ZNF211: variants seen among roughly 807,000 people sequenced by gnomAD.
ZNF211 encodes the protein zinc finger protein 211.
In ZNF211, 18 loss-of-function variants were observed where a neutral mutation model predicts 12.1. The observed-to-expected ratio is 1.48, with a 90% CI of 1.03 to 2.20. The LOEUF (loss-of-function observed/expected upper bound fraction) is 2.20, where lower values mean the gene tolerates loss of function less well. Ranked by LOEUF, ZNF211 falls within the 30% of genes most tolerant of loss-of-function variation. The pLI, the probability that ZNF211 is intolerant of heterozygous loss-of-function variation, is 0.00. For synonymous variants in ZNF211, 249 were observed against 246.0 expected, an observed-to-expected ratio of 1.01 and a Z score of -0.11; for missense variants, 677 against 703.1, an observed-to-expected ratio of 0.96 and a Z score of 0.42.
Position 57,642,001 on chromosome 19 carries a change from A to C in ZNF211, c.1554A>C (p.Gly518=). The C allele has an allele frequency of 1.2e-6, 2 of 1,614,212 alleles. No homozygotes were observed. Among genetic ancestry groups the C allele is most frequent in the Non-Finnish European group, 1.7e-6 (2 of 1,180,036 alleles). The change falls in exon 4 of 4, where the codon GGA becomes GGC. Residue 518 remains glycine, a synonymous_variant. Coordinates refer to ENST00000240731, the MANE Select transcript of ZNF211 (RefSeq NM_006385.5). ...NLIKHLRVHT[G]ERPYECSECG... Reference sequence around the variant, plus strand: ...TTAAACACCTGAGAGTTCACACTGGAGAAAGGCCTTATGAGTGCAGTGAAT... The same window carrying C: ...TTAAACACCTGAGAGTTCACACTGGCGAAAGGCCTTATGAGTGCAGTGAAT...
In ZNF211 at chr19:57,642,473, T is replaced by A; in HGVS notation, c.*292T>A. Reference sequence around the variant, plus strand: ...CACACAGTGTGTATCATTTACCTCCTGAACCTGCTCAAGGAAGCAGACCTC... The same window carrying A: ...CACACAGTGTGTATCATTTACCTCCAGAACCTGCTCAAGGAAGCAGACCTC... On this transcript the variant is annotated 3_prime_UTR_variant, in exon 4 of 4. Transcript: ENST00000240731. 3.2e-6 allele frequency: 1 copy of A among 309,448 alleles called. No homozygotes were observed. Among genetic ancestry groups the A allele is most frequent in the East Asian group, 5.2e-5 (1 of 19,322 alleles). 19.2% of individuals were successfully genotyped at this position (309,448 alleles called of 1,614,324 possible).
chr19:57,641,382 G>GT lies in ZNF211; in HGVS notation c.938dup (p.Ile314HisfsTer17). 1 of 1,614,152 alleles carries GT rather than the reference G, an allele frequency of 6.2e-7. No individual in the cohort carries two copies. Among genetic ancestry groups the GT allele is most frequent in the Non-Finnish European group, 8.5e-7 (1 of 1,180,008 alleles). ...GGAAAATTCTTTACCTACTACTCCA[G>GT]TTTCATTATACATCAGAGAGTTCAT... On this transcript the variant is annotated frameshift_variant, in exon 4 of 4. Coordinates refer to ENST00000240731, the MANE Select transcript of ZNF211 (RefSeq NM_006385.5). LOFTEE classifies it low-confidence loss of function (END_TRUNC).
Position 57,633,341 on chromosome 19 carries a change from A to T in ZNF211, c.-6A>T. On this transcript the variant is annotated 5_prime_UTR_variant, in exon 1 of 4. Coordinates refer to ENST00000240731, the MANE Select transcript of ZNF211 (RefSeq NM_006385.5). ...AGCCGCCCGCGAGGCCGGCCTGGGG[A>T]TAGCGATGCTCGGGTTCCCCCCGGG... 1 of 1,583,006 alleles carries T rather than the reference A, an allele frequency of 6.3e-7. No homozygotes were observed. The highest frequency in any genetic ancestry group is 8.6e-7 in the Non-Finnish European group (1 of 1,168,218).
At chr19:57,633,608 G>C in intron 1 of ZNF211, 172 bp downstream of exon 1, 1 of 1,529,904 alleles carries the variant, frequency 6.5e-7, no homozygotes, top group South Asian at 1.2e-5. Flanking sequence ...GGACCGGCGC[G>C]TGCAGGGCTT....
In ZNF211 at chr19:57,642,128, T is replaced by C. The variant is rs1227526062; in HGVS notation, c.1681T>C (p.Cys561Arg). ...QCSQCGKSFG[C>R]KSVLIQHQRV... is the part of the protein sequence containing the mutation. Reference sequence around the variant, plus strand: ...CAGTCAATGTGGGAAATCCTTTGGCTGCAAATCTGTCCTCATTCAACACCA... The same window carrying C: ...CAGTCAATGTGGGAAATCCTTTGGCCGCAAATCTGTCCTCATTCAACACCA... Residue 561 changes from cysteine to arginine, a missense_variant, in exon 4 of 4, where the codon TGC becomes CGC. Physicochemically the swap from Cys to Arg is radical, Grantham distance 180. Transcript: ENST00000240731. The C allele has an allele frequency of 6.2e-7, 1 of 1,613,762 alleles. No homozygotes were observed. The highest frequency in any genetic ancestry group is 1.7e-5 in the Admixed American group (1 of 60,000).
At position 57,641,253 on chromosome 19, in the gene ZNF211, T is replaced by A; in HGVS notation, c.806T>A (p.Leu269His). The change falls in exon 4 of 4, where the codon CTT (leucine) becomes CAT (histidine). Residue 269 changes from leucine to histidine, a missense_variant. Physicochemically the swap from Leu to His is moderately conservative, Grantham distance 99. Transcript: ENST00000240731. ...CAGAGAATCCTCACTAGAGAAGGAC[T>A]TTTTGAGTGCAGTAAATGTGGGAAA... ...QDQRILTREG[L>H]FECSKCGKAC... The A allele has an allele frequency of 6.2e-7, 1 of 1,614,236 alleles. No homozygotes were observed. The highest frequency in any genetic ancestry group is 8.5e-7 in the Non-Finnish European group (1 of 1,180,048).
chr19:57,637,364 T>C (rs1982272345), intron 3 of ZNF211, among the ~76,000 whole-genome samples: 1 of 152,112 alleles, frequency 6.6e-6, no homozygotes, highest in Admixed American at 6.5e-5. Flanking sequence ...TCTGAGTGTT[T>C]TCCCCACGAA....
Position 57,642,294 on chromosome 19 carries a change from C to T in ZNF211, c.*113C>T, listed in dbSNP as rs1217255798. 27 of 1,205,246 alleles carry T rather than the reference C, an allele frequency of 2.2e-5. No homozygotes were observed. Among genetic ancestry groups the T allele is most frequent in the South Asian group, 1.5e-4 (9 of 61,008 alleles). 74.7% of individuals were successfully genotyped at this position (1,205,246 alleles called of 1,614,324 possible). A position where few individuals can be genotyped will look rare whatever the true frequency, so the allele number is the denominator to read the frequency against. On this transcript the variant is annotated 3_prime_UTR_variant, in exon 4 of 4. Coordinates refer to ENST00000240731, the MANE Select transcript of ZNF211 (RefSeq NM_006385.5). ...CCAACATCTAAGGATATACAGTGGGCGGATTCCCCTTAAGTTCCAGGTATG... is the reference window on the plus strand; with the variant it reads ...CCAACATCTAAGGATATACAGTGGGTGGATTCCCCTTAAGTTCCAGGTATG...
intron 3 of ZNF211, among the ~76,000 whole-genome samples, chr19:57,638,409 A>G (rs1982415395): frequency 6.6e-6 from 1 of 151,788 alleles, no homozygotes; most frequent in African/African-American, 2.4e-5. Flanking sequence ...TCTTCTTTTT[A>G]ATGTTTATAG....
Position 57,640,143 on chromosome 19 carries a change from G to A in ZNF211, c.257-561G>A, listed in dbSNP as rs1219635782. Reference sequence around the variant, plus strand: ...GCCATTGCCAGAGACACTTCACTTCGACCTTCCCCTCTTCACTCTTAACAG... The same window carrying A: ...GCCATTGCCAGAGACACTTCACTTCAACCTTCCCCTCTTCACTCTTAACAG... On this transcript the variant is annotated intron_variant, in intron 3 of 3. Coordinates refer to ENST00000240731, the MANE Select transcript of ZNF211 (RefSeq NM_006385.5). 6.3e-6 allele frequency: 9 copies of A among 1,432,842 alleles called. No homozygotes were observed. In the South Asian group the frequency reaches 6.9e-5, roughly 11 times the overall value. 88.8% of individuals were successfully genotyped at this position (1,432,842 alleles called of 1,614,324 possible).
chr19:57,637,372 G>GA (rs1346794936), intron 3 of ZNF211, among the ~76,000 whole-genome samples: 1 of 151,484 alleles, frequency 6.6e-6, no homozygotes, highest in African/African-American at 2.4e-5. Flanking sequence ...TTTTCCCCAC[G>GA]AAAAAGTGTT....
intron 3 of ZNF211, 22 bp from the exon 4 acceptor site, chr19:57,640,682 A>G: frequency 4.4e-6 from 7 of 1,608,956 alleles, no homozygotes; most frequent in Non-Finnish European, 5.9e-6. Flanking sequence ...CATGTACTTC[A>G]CCATGATCTC....
intron 2 of ZNF211, 91 bp from the exon 3 acceptor site, chr19:57,634,538 G>A: frequency 7.1e-7 from 1 of 1,411,966 alleles, no homozygotes; most frequent in Non-Finnish European, 9.3e-7. Flanking sequence ...CTTCTGACTT[G>A]GGGATCTTGG....
rs55696059 is a variant in ZNF211, at chr19:57,639,408, C to CTTTTTTTTTTTTTTT, written c.257-1279_257-1265dup. Among the ~76,000 whole-genome samples, 17 of 20,752 alleles carry CTTTTTTTTTTTTTTT rather than the reference C, an allele frequency of 8.2e-4. 2 individuals carry two copies. Among genetic ancestry groups the CTTTTTTTTTTTTTTT allele is most frequent in the African/African-American group, 1.3e-3 (6 of 4,734 alleles). 13.6% of individuals were successfully genotyped at this position (20,752 alleles called of 152,430 possible). On this transcript the variant is annotated intron_variant, in intron 3 of 3. Transcript: ENST00000240731. Reference sequence around the variant, plus strand: ...CTTCCCTTGTCATTTCCTTTATGTACTTTTTTTTTTTTTTTTTTTTTTTTT... The same window carrying CTTTTTTTTTTTTTTT: ...CTTCCCTTGTCATTTCCTTTATGTACTTTTTTTTTTTTTTTTTTTTTTTTTTTTTTTTTTTTTTTT...
chr19:57,635,334 C>T (rs1981999574), intron 3 of ZNF211, among the ~76,000 whole-genome samples: 1 of 152,182 alleles, frequency 6.6e-6, no homozygotes, highest in South Asian at 2.1e-4. Context: ...ATTGTGCAAC[C>T]ATCACCACCA....
At chr19:57,639,405 G>T (rs1468089289) in intron 3 of ZNF211, among the ~76,000 whole-genome samples, 123 of 4,370 alleles carry the variant, frequency 0.028, no homozygotes, top group Non-Finnish European at 0.036. Flanking sequence ...TTTCCTTTAT[G>T]TACTTTTTTT....
intron 3 of ZNF211, among the ~76,000 whole-genome samples, chr19:57,638,354 TA>T (rs1392069830): frequency 4.6e-5 from 7 of 152,202 alleles, no homozygotes; most frequent in Non-Finnish European, 1.0e-4. Context: ...TTCCTCTTTT[TA>T]TAATCCCTTA....
rs144205771 is a variant in ZNF211 at position 57,633,386 on chromosome 19, C to T, written c.40C>T (p.Gln14Ter). The stretch of plus-strand genomic sequence containing the variant: ...CCCGGGTCGCCCGCAGCTCCCGGTC[C>T]AGCTCCGCCCACAGACTCGGATGGC... ...FPPGRPQLPV[Q>*]LRPQTRMATA... Residue 14 changes from glutamine (Q) to a stop codon, truncating the protein, a stop_gained, in exon 1 of 4, where the codon CAG becomes TAG. Coordinates refer to ENST00000240731, the MANE Select transcript of ZNF211 (RefSeq NM_006385.5). LOFTEE classifies it high-confidence loss of function. The T allele has an allele frequency of 1.1e-4, 172 of 1,604,168 alleles. No individual in the cohort carries two copies. Among genetic ancestry groups the T allele is most frequent in the Non-Finnish European group, 1.3e-4 (152 of 1,178,448 alleles).
chr19:57,638,493 A>G (rs1220404559), intron 3 of ZNF211, among the ~76,000 whole-genome samples: 1 of 151,834 alleles, frequency 6.6e-6, no homozygotes, highest in Non-Finnish European at 1.5e-5. Context: ...TCATGGCCCC[A>G]TTGGTTTTTC....
Sources: allele counts gnomAD v4.1 joint callset (sites outside exome capture counted in the v4.1 genomes callset), GRCh38; gene constraint gnomAD v4.1.1; transcripts MANE v1.5; gene names NCBI Gene and HGNC (gene_info 2026-07-23, HGNC 2026-07-21).